The following TNIK variants were observed in gnomAD, a reference collection of about 807,000 sequenced individuals.
TNIK encodes the protein TRAF2 and NCK interacting kinase, also known as TRAF2 and NCK-interacting protein kinase.
In TNIK, 49 loss-of-function variants were observed where a neutral mutation model predicts 191.3. The ratio of observed to expected loss-of-function variants is 0.26; its 90% CI spans 0.20 to 0.32. The LOEUF is 0.32. Ranked by LOEUF, TNIK falls within the 10% of genes least tolerant of loss-of-function variation. The probability of loss-of-function intolerance (pLI) is 1.00; values close to 1 mark genes in which losing one functional copy is unlikely to be tolerated. For missense variants in TNIK, 1,155 were observed against 1,702.3 expected (o/e 0.68, Z 5.66); for synonymous variants, 594 against 600.9 (o/e 0.99, Z 0.17).
intron 13 of TNIK, 60 bp from the exon 14 acceptor site, chr3:171,139,616 T>A: frequency 6.4e-7 from 1 of 1,564,714 alleles, no homozygotes; most frequent in African/African-American, 1.4e-5. Context: ...AATGAACCAG[T>A]AATTTCAAAG....
chr3:171,145,786 T>C (rs116339929), intron 12 of TNIK, among the ~76,000 whole-genome samples: 1,664 of 151,886 alleles, frequency 0.011, 30 homozygotes, highest in African/African-American at 0.038. Context: ...TTCCTTTTTT[T>C]TTTTTTTTTT....
chr3:171,340,391 C>T (rs1271145957), intron 2 of TNIK, among the ~76,000 whole-genome samples: 1 of 152,204 alleles, frequency 6.6e-6, no homozygotes, highest in Non-Finnish European at 1.5e-5. Context: ...GCCCAAACAT[C>T]TCAGCCATTG....
chr3:171,195,601 T>A (rs1401105551), intron 4 of TNIK, among the ~76,000 whole-genome samples: 1 of 148,850 alleles, frequency 6.7e-6, no homozygotes, highest in East Asian at 2.0e-4. Context: ...AGATACCTCA[T>A]CAGGCTCCAA....
intron 4 of TNIK, among the ~76,000 whole-genome samples, chr3:171,201,124 G>A (rs1739346651): frequency 6.6e-6 from 1 of 152,194 alleles, no homozygotes; most frequent in Non-Finnish European, 1.5e-5. Context: ...TAGGGGCTGG[G>A]CACAGTGGCT....
intron 12 of TNIK, among the ~76,000 whole-genome samples, chr3:171,156,045 C>A (rs1733127718): frequency 6.6e-6 from 1 of 152,152 alleles, no homozygotes; most frequent in East Asian, 1.9e-4. Context: ...AACATGGGAC[C>A]AATTACTTCC....
chr3:171,265,862 T>G (rs908995407), intron 2 of TNIK, among the ~76,000 whole-genome samples: 1 of 151,914 alleles, frequency 6.6e-6, no homozygotes, highest in Non-Finnish European at 1.5e-5. Context: ...TTTTTTTTCC[T>G]TTTTAAAATC....
At chr3:171,075,861 C>T (rs990613472) in intron 28 of TNIK, among the ~76,000 whole-genome samples, 11 of 152,072 alleles carry the variant, frequency 7.2e-5, no homozygotes, top group East Asian at 1.9e-4. Context: ...CTCAGCCTCC[C>T]GAGTAGCTGG....
chr3:171,140,496 T>G lies in TNIK; in HGVS notation c.1235A>C (p.Glu412Ala). The change falls in exon 13 of 33, where the codon GAG becomes GCG. Residue 412 changes from glutamate (E) to alanine (A), a missense_variant. Transcript: ENST00000436636. ...CTCCTGCTGCTTCCGCAGCTCCTTC[T>G]CTCGCCTTTGTTGCTGTGGGGCAAC... ...RRRLEEQQRR[E>A]KELRKQQERE... 6.2e-7 allele frequency: 1 copy of G among 1,613,432 alleles called. No individual in the cohort carries two copies. Among genetic ancestry groups the G allele is most frequent in the Non-Finnish European group, 8.5e-7 (1 of 1,179,768 alleles).
chr3:171,405,768 A>T (rs951332004), intron 1 of TNIK, among the ~76,000 whole-genome samples: 8 of 152,314 alleles, frequency 5.3e-5, no homozygotes, highest in Admixed American at 2.0e-4. Flanking sequence ...TAAGAGTATG[A>T]TATCTTGGTA....
chr3:171,427,819 T>G (rs2108650456), intron 1 of TNIK, among the ~76,000 whole-genome samples: 1 of 152,276 alleles, frequency 6.6e-6, no homozygotes, highest in Middle Eastern at 3.4e-3. Context: ...GCCATGGAGT[T>G]ACAACTTATA....
rs77229261 is a variant in TNIK at position 171,222,039 on chromosome 3, T to G, written c.180+6126A>C. On this transcript the variant is annotated intron_variant, in intron 3 of 32. Transcript: ENST00000436636. The stretch of plus-strand genomic sequence containing the variant: ...TATTATGTGTCAGGTACAAGATATA[T>G]CCCATTTAAGTCCCAAAACAAGCTT... Among the ~76,000 whole-genome samples, 1,028 of 152,180 alleles carry G rather than the reference T, an allele frequency of 6.8e-3. 7 individuals are homozygous for G. The highest frequency in any genetic ancestry group is 0.024 in the African/African-American group (992 of 41,512).
rs1741812178 is a variant in TNIK, at chr3:171,218,865, TA to T, written c.181-7625del. On this transcript the variant is annotated intron_variant, in intron 3 of 32. Coordinates refer to ENST00000436636, the MANE Select transcript of TNIK (RefSeq NM_015028.4). ...TGATATATATTACATATATTTAATA[TA>T]AATATATTTTATTTTTATATATTAT... is the stretch of plus-strand genomic sequence containing the variant. 3.7e-5 allele frequency among the ~76,000 whole-genome samples: 5 copies of T among 133,796 alleles called. No individual in the cohort carries two copies. The Admixed American group carries it at 4.1e-4, about 11-fold the overall frequency. The allele number at this position is 133,796 out of a possible 152,430, so 87.8% of individuals were successfully genotyped here. A position where few individuals can be genotyped will look rare whatever the true frequency, so the allele number is the denominator to read the frequency against.
intron 22 of TNIK, among the ~76,000 whole-genome samples, chr3:171,100,513 G>C (rs1322571216): frequency 2.0e-5 from 3 of 152,016 alleles, no homozygotes; most frequent in Non-Finnish European, 4.4e-5. Flanking sequence ...TTTATATAGA[G>C]TGAGTGTGAA....
At chr3:171,219,422 GGTGCCA>G (rs913992878) in intron 3 of TNIK, among the ~76,000 whole-genome samples, 22 of 150,260 alleles carry the variant, frequency 1.5e-4, no homozygotes, top group South Asian at 2.1e-4. Context: ...GCACCTACTA[GGTGCCA>G]GTGCCAGTGC....
intron 2 of TNIK, among the ~76,000 whole-genome samples, chr3:171,362,184 A>G (rs1002603950): frequency 6.6e-6 from 1 of 152,164 alleles, no homozygotes; most frequent in African/African-American, 2.4e-5. Context: ...TGTTTCCTCT[A>G]TTAACCTATC....
intron 21 of TNIK, chr3:171,106,561 C>A: frequency 2.3e-6 from 1 of 426,248 alleles, no homozygotes; most frequent in Non-Finnish European, 4.9e-6. Context: ...TGTATTCATG[C>A]AGGTCTGACA....
At chr3:171,298,934 C>G (rs1354420475) in intron 2 of TNIK, among the ~76,000 whole-genome samples, 5 of 152,198 alleles carry the variant, frequency 3.3e-5, no homozygotes, top group Non-Finnish European at 7.3e-5. Context: ...AGGAATGGCT[C>G]CATCATGGCA....
At chr3:171,295,336 T>C (rs1292530538) in intron 2 of TNIK, among the ~76,000 whole-genome samples, 1 of 152,198 alleles carries the variant, frequency 6.6e-6, no homozygotes, top group Non-Finnish European at 1.5e-5. Context: ...CTTAAGATAT[T>C]AGCATCTCTC....
intron 2 of TNIK, among the ~76,000 whole-genome samples, chr3:171,266,291 A>AC (rs1217266434): frequency 6.6e-6 from 1 of 152,158 alleles, no homozygotes; most frequent in South Asian, 2.1e-4. Context: ...GTCATTCACC[A>AC]CCCTTCCCAG....
Sources: gnomAD v4.1 joint callset for allele counts (sites outside exome capture counted in the v4.1 genomes callset) on GRCh38, gnomAD v4.1.1 for gene constraint, MANE v1.5 for transcripts, NCBI Gene and HGNC (gene_info 2026-07-23, HGNC 2026-07-21) for gene names.